The following DACH1 variants were observed in gnomAD, a reference collection of about 807,000 sequenced individuals.
DACH1 encodes dachshund homolog 1.
DACH1 carries 12 observed loss-of-function variants against 54.2 expected under a neutral mutation model. The observed-to-expected ratio is 0.22, with a 90% confidence interval of 0.14 to 0.36. The LOEUF is 0.36. DACH1 is among the 10% of genes least tolerant of loss of function. The pLI, the probability that DACH1 is intolerant of heterozygous loss-of-function variation, is 1.00. For synonymous variants in DACH1, 386 were observed against 366.2 expected (o/e 1.05, Z -0.62); for missense variants, 805 against 929.8 (o/e 0.87, Z 1.75).
chr13:71,477,097 TATATA>T (rs1877603919), intron 8 of DACH1, among the ~76,000 whole-genome samples: 7 of 52,668 alleles, frequency 1.3e-4, no homozygotes, highest in African/African-American at 4.8e-4. Context: ...TATATATATA[TATATA>T]TATTTTTTTT....
intron 4 of DACH1, among the ~76,000 whole-genome samples, chr13:71,569,525 T>A (rs73521266): frequency 6.6e-6 from 1 of 152,148 alleles, no homozygotes; most frequent in African/African-American, 2.4e-5. Flanking sequence ...TCACAGGCCA[T>A]GAAAACCAGC....
rs184142224 is a variant in DACH1 at position 71,514,233 on chromosome 13, C to T, written c.1571-25085G>A. Among the ~76,000 whole-genome samples the T allele has an allele frequency of 1.4e-3, 220 of 151,954 alleles. 9 individuals are homozygous for T. Among genetic ancestry groups the T allele is most frequent in the Non-Finnish European group, 1.1e-3 (72 of 67,902 alleles). On this transcript the variant is annotated intron_variant, in intron 6 of 10. Transcript: ENST00000613252. The stretch of plus-strand genomic sequence containing the variant: ...AGTATAAGCTAAGAAGTGGCTTAAA[C>T]ATATAGGCTTTGATATATCCAAATA...
rs1290301597 is a variant in DACH1, at chr13:71,795,005, A to G, written c.848+70917T>C. On this transcript the variant is annotated intron_variant, in intron 1 of 10. Coordinates refer to ENST00000613252, the MANE Select transcript of DACH1 (RefSeq NM_080759.6). ...ACCATAGCCAAAGAATGGTTAAAAGAAAATTTCAATAAACCATTATTGGAA... is the reference window on the plus strand; with the variant it reads ...ACCATAGCCAAAGAATGGTTAAAAGGAAATTTCAATAAACCATTATTGGAA... Among the ~76,000 whole-genome samples, 14 of 152,178 alleles carry G rather than the reference A, an allele frequency of 9.2e-5. No individual in the cohort carries two copies. The East Asian group carries it at 2.5e-3, about 27-fold the overall frequency.
chr13:71,761,512 G>A (rs986805489), intron 1 of DACH1, among the ~76,000 whole-genome samples: 2 of 152,296 alleles, frequency 1.3e-5, no homozygotes, highest in Middle Eastern at 3.4e-3. Flanking sequence ...TTGTTTTAGT[G>A]AGGAATATTT....
intron 1 of DACH1, among the ~76,000 whole-genome samples, chr13:71,735,179 T>C (rs866089609): frequency 2.8e-5 from 4 of 143,986 alleles, no homozygotes; most frequent in African/African-American, 5.0e-5. Context: ...TACTCGTATA[T>C]GGGATATACG....
intron 1 of DACH1, among the ~76,000 whole-genome samples, chr13:71,752,597 A>T (rs1884977102): frequency 6.6e-6 from 1 of 152,014 alleles, no homozygotes; most frequent in Non-Finnish European, 1.5e-5. Context: ...ACAACACTTT[A>T]TACACTTTAA....
intron 1 of DACH1, among the ~76,000 whole-genome samples, chr13:71,694,566 T>A (rs778117617): frequency 6.6e-6 from 1 of 152,216 alleles, no homozygotes; most frequent in Non-Finnish European, 1.5e-5. Context: ...TTAATACTAA[T>A]GTTCAATGTT....
chr13:71,848,649 ATCC>A, intron 1 of DACH1, among the ~76,000 whole-genome samples: 1 of 151,950 alleles, frequency 6.6e-6, no homozygotes, highest in Non-Finnish European at 1.5e-5. Flanking sequence ...GGCTCAAGTA[ATCC>A]TCCTGTCTCA....
Position 71,440,434 on chromosome 13 carries a change from C to T in DACH1, c.*221G>A, listed in dbSNP as rs1873910708. On this transcript the variant is annotated 3_prime_UTR_variant, in exon 11 of 11. Coordinates refer to ENST00000613252, the MANE Select transcript of DACH1 (RefSeq NM_080759.6). ...AACTGTAAGAACTTTGATACTTGTA[C>T]ATTTACAAACATTCTCAGGTCTCTG... 4.3e-6 allele frequency: 2 copies of T among 462,356 alleles called. No homozygotes were observed. The highest frequency in any genetic ancestry group is 4.4e-5 in the Admixed American group (1 of 22,554). 28.6% of individuals were successfully genotyped at this position (462,356 alleles called of 1,614,324 possible).
chr13:71,783,543 T>C (rs1034785406), intron 1 of DACH1, among the ~76,000 whole-genome samples: 3 of 152,180 alleles, frequency 2.0e-5, no homozygotes, highest in Non-Finnish European at 4.4e-5. Flanking sequence ...TGTACTCTTA[T>C]GGCTCAGATA....
At chr13:71,840,662 A>C (rs1015724227) in intron 1 of DACH1, among the ~76,000 whole-genome samples, 1 of 152,200 alleles carries the variant, frequency 6.6e-6, no homozygotes, top group Non-Finnish European at 1.5e-5. Context: ...TGCCATTGCT[A>C]CAAAGTTAAG....
chr13:71,619,112 G>GTA (rs200344596), intron 3 of DACH1, among the ~76,000 whole-genome samples: 6,705 of 151,238 alleles, frequency 0.044, 246 homozygotes, highest in Admixed American at 0.094. Context: ...ATATATATGT[G>GTA]TGTATATATA....
intron 1 of DACH1, among the ~76,000 whole-genome samples, chr13:71,755,252 G>A (rs1341914377): frequency 6.6e-6 from 1 of 152,038 alleles, no homozygotes; most frequent in Non-Finnish European, 1.5e-5. Context: ...TATCACACAT[G>A]AGTTGAGGAA....
At chr13:71,756,618 T>C (rs1424189909) in intron 1 of DACH1, among the ~76,000 whole-genome samples, 2 of 152,014 alleles carry the variant, frequency 1.3e-5, no homozygotes, top group African/African-American at 4.8e-5. Flanking sequence ...AAGGTCAAGA[T>C]AGATAGGGCA....
intron 1 of DACH1, among the ~76,000 whole-genome samples, chr13:71,752,022 G>A (rs1022708135): frequency 9.9e-5 from 15 of 152,168 alleles, no homozygotes; most frequent in African/African-American, 3.6e-4. Flanking sequence ...TAGTAAGTGT[G>A]ATATAAACAA....
intron 10 of DACH1, among the ~76,000 whole-genome samples, chr13:71,465,165 AT>A (rs1876455184): frequency 6.6e-6 from 1 of 152,098 alleles, no homozygotes; most frequent in Non-Finnish European, 1.5e-5. Context: ...CTAAAGAAGA[AT>A]TTATATCAAA....
intron 6 of DACH1, among the ~76,000 whole-genome samples, chr13:71,507,602 G>T (rs1467767899): frequency 6.6e-6 from 1 of 152,104 alleles, no homozygotes; most frequent in Non-Finnish European, 1.5e-5. Flanking sequence ...ATGCAACACT[G>T]TATAGAAAAT....
At chr13:71,781,987 A>G (rs1381187843) in intron 1 of DACH1, among the ~76,000 whole-genome samples, 2 of 152,190 alleles carry the variant, frequency 1.3e-5, no homozygotes, top group East Asian at 1.9e-4. Flanking sequence ...ATAAGTACCA[A>G]TTTCTCAACT....
intron 1 of DACH1, among the ~76,000 whole-genome samples, chr13:71,801,590 A>C (rs303935): frequency 0.31 from 46,467 of 151,880 alleles, 7,471 homozygotes; most frequent in Middle Eastern, 0.35. Flanking sequence ...ACTGATGGGC[A>C]AAGTTTGAAA....
Sources: allele counts gnomAD v4.1 joint callset (sites outside exome capture counted in the v4.1 genomes callset), GRCh38; gene constraint gnomAD v4.1.1; transcripts MANE v1.5; gene names NCBI Gene and HGNC (gene_info 2026-07-23, HGNC 2026-07-21).